The following RBM47 variants were observed in gnomAD, a reference collection of about 807,000 sequenced individuals.
The protein encoded by RBM47 is RNA-binding protein 47.
In RBM47, 21 loss-of-function variants were observed where a neutral mutation model predicts 47.1. The observed-to-expected ratio is 0.45, with a 90% CI of 0.32 to 0.64. The LOEUF (loss-of-function observed/expected upper bound fraction) is 0.64, where lower values mean the gene tolerates loss of function less well. Among genes scored for constraint, RBM47 ranks in the 30% least tolerant of loss-of-function variants. RBM47 has a pLI of 0.05. For synonymous variants in RBM47, 375 were observed against 361.7 expected (o/e 1.04, Z -0.42); for missense variants, 708 against 870.9 (o/e 0.81, Z 2.35).
chr4:40,563,930 GC>G (rs769919642), intron 1 of RBM47, among the ~76,000 whole-genome samples: 3 of 152,192 alleles, frequency 2.0e-5, no homozygotes, highest in Non-Finnish European at 4.4e-5. Flanking sequence ...ATGAAAAATA[GC>G]CCAGGTGTGC....
intron 3 of RBM47, among the ~76,000 whole-genome samples, chr4:40,462,315 G>GT (rs1216209734): frequency 2.0e-5 from 3 of 152,104 alleles, no homozygotes; most frequent in East Asian, 1.9e-4. Flanking sequence ...AGCTAATTTA[G>GT]TTTTTTTCTC....
intron 2 of RBM47, among the ~76,000 whole-genome samples, chr4:40,476,208 T>C (rs1719586883): frequency 6.6e-6 from 1 of 152,036 alleles, no homozygotes. Context: ...ATACGTAAAG[T>C]GTTTAGAAAA....
intron 1 of RBM47, among the ~76,000 whole-genome samples, chr4:40,624,702 G>T (rs1737565370): frequency 6.6e-6 from 1 of 152,166 alleles, no homozygotes; most frequent in Non-Finnish European, 1.5e-5. Flanking sequence ...CCTCCCAGTT[G>T]TAGTTACACA....
chr4:40,520,957 CT>C (rs1427416078), intron 2 of RBM47, among the ~76,000 whole-genome samples: 1 of 152,132 alleles, frequency 6.6e-6, no homozygotes, highest in Non-Finnish European at 1.5e-5. Context: ...ACATATTTCC[CT>C]TTTACACGGC....
intron 2 of RBM47, among the ~76,000 whole-genome samples, chr4:40,521,758 T>A (rs1338891264): frequency 5.3e-5 from 8 of 152,158 alleles, no homozygotes; most frequent in Non-Finnish European, 1.0e-4. Flanking sequence ...CAGTATTGAT[T>A]TCCAATGATC....
chr4:40,434,750 G>C (rs957083231), intron 5 of RBM47, among the ~76,000 whole-genome samples: 2 of 137,596 alleles, frequency 1.5e-5, no homozygotes, highest in African/African-American at 5.5e-5. Flanking sequence ...ATCATCAAAA[G>C]AAAGTTCAAT....
intron 2 of RBM47, among the ~76,000 whole-genome samples, chr4:40,529,060 G>A (rs979960964): frequency 6.6e-6 from 1 of 152,130 alleles, no homozygotes; most frequent in Non-Finnish European, 1.5e-5. Context: ...TATCTTTGCT[G>A]CTATCAGGAT....
intron 3 of RBM47, among the ~76,000 whole-genome samples, chr4:40,464,989 T>C (rs975656639): frequency 6.6e-6 from 1 of 151,614 alleles, no homozygotes; most frequent in African/African-American, 2.4e-5. Flanking sequence ...ATTTGGATTG[T>C]GGGCTTATGG....
chr4:40,497,644 A>G (rs1282598652), intron 2 of RBM47, among the ~76,000 whole-genome samples: 1 of 151,696 alleles, frequency 6.6e-6, no homozygotes, highest in East Asian at 1.9e-4. Context: ...AAAAATAAAA[A>G]CTAGCAAAAC....
At chr4:40,592,643 C>T (rs1173247574) in intron 1 of RBM47, among the ~76,000 whole-genome samples, 5 of 150,478 alleles carry the variant, frequency 3.3e-5, no homozygotes, top group Admixed American at 6.7e-5. Flanking sequence ...AGGCTGGTCT[C>T]GAACTCCCAA....
In RBM47 at chr4:40,458,171, G is replaced by A. The variant is rs1257622128; in HGVS notation, c.-32+8406C>T. On this transcript the variant is annotated intron_variant, in intron 3 of 6. Coordinates refer to ENST00000295971, the MANE Select transcript of RBM47 (RefSeq NM_001098634.2). ...ATACATGTACAATATGCACCTTCTG[G>A]TGGTATGTCAAATAGTAGTATACAA... is the stretch of plus-strand genomic sequence containing the variant. 1.3e-4 allele frequency among the ~76,000 whole-genome samples: 20 copies of A among 152,244 alleles called. No homozygotes were observed. In the East Asian group the frequency reaches 2.7e-3, roughly 21 times the overall value.
At chr4:40,476,238 T>C (rs1040440978) in intron 2 of RBM47, among the ~76,000 whole-genome samples, 6 of 152,124 alleles carry the variant, frequency 3.9e-5, no homozygotes, top group African/African-American at 1.2e-4. Flanking sequence ...ATATAGAAAG[T>C]ACTCAAAAAG....
At chr4:40,562,926 A>G (rs998874834) in intron 1 of RBM47, among the ~76,000 whole-genome samples, 1 of 152,260 alleles carries the variant, frequency 6.6e-6, no homozygotes, top group Non-Finnish European at 1.5e-5. Context: ...ATTATGCTCC[A>G]AAAAGCTGTA....
chr4:40,431,504 A>C (rs1203021852), intron 6 of RBM47, among the ~76,000 whole-genome samples: 1 of 152,052 alleles, frequency 6.6e-6, no homozygotes, highest in African/African-American at 2.4e-5. Flanking sequence ...TAAAAATACA[A>C]AAAATTAGCC....
intron 1 of RBM47, among the ~76,000 whole-genome samples, chr4:40,593,071 C>A (rs578193730): frequency 9.8e-5 from 13 of 132,812 alleles, no homozygotes; most frequent in African/African-American, 3.4e-4. Context: ...TTTTGGCTCA[C>A]TGCAAGTCCG....
At chr4:40,572,760 A>C (rs1577985987) in intron 1 of RBM47, among the ~76,000 whole-genome samples, 1 of 151,878 alleles carries the variant, frequency 6.6e-6, no homozygotes, top group East Asian at 1.9e-4. Context: ...AAAAATAATA[A>C]TAATGAAAAA....
At chr4:40,564,102 C>T (rs4446349) in intron 1 of RBM47, among the ~76,000 whole-genome samples, 149,795 of 152,322 alleles carry the variant, frequency 0.98, 73,671 homozygotes, top group East Asian at 1. Flanking sequence ...GTGTAGAGGT[C>T]ACCACCTTCC....
intron 1 of RBM47, among the ~76,000 whole-genome samples, chr4:40,599,220 TG>T (rs1267945491): frequency 7.0e-6 from 1 of 143,322 alleles, no homozygotes; most frequent in East Asian, 2.0e-4. Flanking sequence ...ATCACACCAC[TG>T]GACTCCAGCC....
At chr4:40,432,164 C>A (rs145327057) in intron 6 of RBM47, among the ~76,000 whole-genome samples, 1 of 151,524 alleles carries the variant, frequency 6.6e-6, no homozygotes, top group Non-Finnish European at 1.5e-5. Context: ...CAAAATTTTA[C>A]GTATCTATAC....
Sources: allele counts gnomAD v4.1 joint callset (sites outside exome capture counted in the v4.1 genomes callset), GRCh38; gene constraint gnomAD v4.1.1; transcripts MANE v1.5; gene names NCBI Gene and HGNC (gene_info 2026-07-23, HGNC 2026-07-21).